GPHN: variants seen among roughly 807,000 people sequenced by gnomAD.
GPHN encodes the protein gephyrin.
GPHN carries 17 observed loss-of-function variants against 95.5 expected under a neutral mutation model. The observed-to-expected ratio is 0.18, with a 90% CI of 0.12 to 0.27. The LOEUF is 0.27. GPHN is among the 10% of genes least tolerant of loss of function. GPHN has a pLI of 1.00. For missense variants in GPHN, 660 were observed against 978.1 expected (o/e 0.67, Z 4.34); for synonymous variants, 320 against 322.5 (o/e 0.99, Z 0.08).
intron 2 of GPHN, among the ~76,000 whole-genome samples, chr14:66,746,892 C>G (rs1202360442): frequency 6.6e-6 from 1 of 152,092 alleles, no homozygotes; most frequent in Non-Finnish European, 1.5e-5. Flanking sequence ...TGCAGTCTCT[C>G]ATTTCTGTCT....
At chr14:67,373,529 C>G in the GPHN span, among the ~76,000 whole-genome samples, 1 of 152,222 alleles carries the variant, frequency 6.6e-6, no homozygotes, top group Non-Finnish European at 1.5e-5. Flanking sequence ...AAAAACACCA[C>G]AGACATGCTG....
intron 17 of GPHN, among the ~76,000 whole-genome samples, chr14:67,127,920 T>A (rs1345026139): frequency 6.6e-6 from 1 of 152,236 alleles, no homozygotes; most frequent in Non-Finnish European, 1.5e-5. Flanking sequence ...CAAAATGGTA[T>A]GTGTATGTAA....
intron 1 of GPHN, among the ~76,000 whole-genome samples, chr14:66,571,969 C>T (rs752097077): frequency 2.0e-5 from 3 of 152,128 alleles, no homozygotes; most frequent in Non-Finnish European, 4.4e-5. Flanking sequence ...GATAAAAGTC[C>T]AGATTTATTC....
the GPHN span, among the ~76,000 whole-genome samples, chr14:67,408,251 A>T: frequency 1.1e-4 from 17 of 151,442 alleles, no homozygotes; most frequent in South Asian, 4.2e-4. Context: ...GCACCATTGC[A>T]CTCCAGCCTG....
At chr14:67,480,801 C>T in the GPHN span, among the ~76,000 whole-genome samples, 1 of 152,184 alleles carries the variant, frequency 6.6e-6, no homozygotes, top group Non-Finnish European at 1.5e-5. Flanking sequence ...TGACTTTAAA[C>T]CCTGCTCTTC....
chr14:66,840,754 A>G (rs2062042180), intron 4 of GPHN, among the ~76,000 whole-genome samples: 1 of 145,586 alleles, frequency 6.9e-6, no homozygotes, highest in Non-Finnish European at 1.5e-5. Context: ...AAAAAAAAAA[A>G]CAGGAAATGG....
the GPHN span, among the ~76,000 whole-genome samples, chr14:67,372,616 G>A: frequency 2.0e-5 from 3 of 152,142 alleles, no homozygotes; most frequent in Non-Finnish European, 4.4e-5. Flanking sequence ...AGATCATGAG[G>A]TCAGGAGATT....
the GPHN span, among the ~76,000 whole-genome samples, chr14:67,604,493 C>G: frequency 6.6e-6 from 1 of 152,022 alleles, no homozygotes; most frequent in Non-Finnish European, 1.5e-5. Context: ...TCAGGAGTTC[C>G]AGAACATGCT....
the GPHN span, chr14:67,729,074 C>A: frequency 9.5e-7 from 1 of 1,052,272 alleles, no homozygotes; most frequent in Non-Finnish European, 1.5e-6. Context: ...CCTGCTGAAT[C>A]CTGGGGTTAT....
chr14:66,741,104 A>G (rs928164446), intron 2 of GPHN, among the ~76,000 whole-genome samples: 1 of 152,176 alleles, frequency 6.6e-6, no homozygotes, highest in African/African-American at 2.4e-5. Context: ...TGGAGTCCTC[A>G]TGTCCTAAAC....
chr14:67,372,152 G>A, the GPHN span, among the ~76,000 whole-genome samples: 1 of 152,058 alleles, frequency 6.6e-6, no homozygotes, highest in South Asian at 2.1e-4. Context: ...AAATTTATGT[G>A]TGCTTTTATA....
chr14:67,295,191 G>A, the GPHN span, among the ~76,000 whole-genome samples: 13 of 151,386 alleles, frequency 8.6e-5, no homozygotes, highest in Non-Finnish European at 1.5e-4. Flanking sequence ...GGCTGGGTGC[G>A]GTCTGTAATA....
At chr14:67,032,747 C>G (rs962642123) in intron 10 of GPHN, among the ~76,000 whole-genome samples, 1 of 152,144 alleles carries the variant, frequency 6.6e-6, no homozygotes, top group Non-Finnish European at 1.5e-5. Context: ...GAGGCCGCCT[C>G]AGAATTTCTA....
intron 4 of GPHN, among the ~76,000 whole-genome samples, chr14:66,825,802 T>A (rs2061367542): frequency 6.6e-6 from 1 of 152,206 alleles, no homozygotes; most frequent in African/African-American, 2.4e-5. Flanking sequence ...TTCAACTGCA[T>A]AAAGTCATCC....
the GPHN span, among the ~76,000 whole-genome samples, chr14:67,233,901 G>T: frequency 6.6e-6 from 1 of 152,216 alleles, no homozygotes; most frequent in Admixed American, 6.5e-5. Context: ...TTGAATACAG[G>T]ATTCTGGAAT....
chr14:67,288,975 T>C, the GPHN span, among the ~76,000 whole-genome samples: 3 of 148,304 alleles, frequency 2.0e-5, no homozygotes, highest in African/African-American at 7.4e-5. Context: ...TTTTTTTTTT[T>C]TTTTTTTTTG....
At chr14:66,523,193 C>T (rs7154154) in intron 1 of GPHN, among the ~76,000 whole-genome samples, 36,134 of 151,924 alleles carry the variant, frequency 0.24, 8,227 homozygotes, top group African/African-American at 0.56. Flanking sequence ...AAATAAATGT[C>T]TGTTACTTCC....
chr14:67,190,369 A>G, the GPHN span, among the ~76,000 whole-genome samples: 2 of 151,452 alleles, frequency 1.3e-5, no homozygotes, highest in Non-Finnish European at 2.9e-5. Flanking sequence ...GACTACAGGT[A>G]CACACCACCA....
chr14:67,173,333 A>AT (rs1192922967), intron 21 of GPHN, among the ~76,000 whole-genome samples: 3 of 152,154 alleles, frequency 2.0e-5, no homozygotes, highest in Non-Finnish European at 4.4e-5. Flanking sequence ...TGTGGAGAAA[A>AT]TAAGAATAAG....
Sources: allele counts gnomAD v4.1 joint callset (sites outside exome capture counted in the v4.1 genomes callset), GRCh38; gene constraint gnomAD v4.1.1; transcripts MANE v1.5; gene names NCBI Gene and HGNC (gene_info 2026-07-23, HGNC 2026-07-21).